Variants in RPH3A observed in about 807,000 individuals in gnomAD.
The protein encoded by RPH3A is rabphilin-3A.
A neutral mutation model predicts 102.2 loss-of-function variants in RPH3A; 48 were observed. The observed-to-expected ratio is 0.47, with a 90% CI of 0.37 to 0.60. RPH3A has a LOEUF of 0.60. Ranked by LOEUF, RPH3A falls within the 20% of genes least tolerant of loss-of-function variation. RPH3A has a pLI of 0.00. For missense variants in RPH3A, 781 were observed against 910.1 expected (o/e 0.86, Z 1.83); for synonymous variants, 310 against 324.3 (o/e 0.96, Z 0.47).
Position 112,895,821 on chromosome 12 carries a change from A to G in RPH3A, c.1902A>G (p.Ser634=), listed in dbSNP as rs1319802132. 1.2e-6 allele frequency: 2 copies of G among 1,613,990 alleles called. No homozygotes were observed. The highest frequency in any genetic ancestry group is 2.2e-5 in the East Asian group (1 of 44,894). ...AACACAGTGACCTGGCAAAGAAGTCACTGGACATTTCAGTCTGGGACTATG... is the reference window on the plus strand; with the variant it reads ...AACACAGTGACCTGGCAAAGAAGTCGCTGGACATTTCAGTCTGGGACTATG... ...DIKHSDLAKK[S]LDISVWDYDI... The change falls in exon 21 of 22, where the codon TCA becomes TCG. Residue 634 remains serine (S), a synonymous_variant. Transcript: ENST00000389385.
chr12:112,622,935 A>G (rs2039742916), intron 1 of RPH3A, among the ~76,000 whole-genome samples: 1 of 124,260 alleles, frequency 8.0e-6, no homozygotes, highest in Non-Finnish European at 1.7e-5. Context: ...TTTTCAACCC[A>G]GAATTTCATA....
intron 5 of RPH3A, 44 bp from the exon 6 acceptor site, chr12:112,865,370 C>A (rs573393658): frequency 1.2e-6 from 2 of 1,604,290 alleles, no homozygotes; most frequent in South Asian, 1.1e-5. Flanking sequence ...TGCTGGTGGT[C>A]CCCAGTCCTA....
intron 1 of RPH3A, among the ~76,000 whole-genome samples, chr12:112,690,691 C>T (rs576471635): frequency 6.6e-6 from 1 of 152,128 alleles, no homozygotes; most frequent in African/African-American, 2.4e-5. Context: ...TTGGACCCAA[C>T]GAGATCAGGG....
At chr12:112,865,356 G>T (rs2042591804) in intron 5 of RPH3A, 58 bp from the exon 6 acceptor site, 4 of 1,590,936 alleles carry the variant, frequency 2.5e-6, no homozygotes, top group Admixed American at 3.4e-5. Flanking sequence ...GACACTGTGG[G>T]GTATGCTGGT....
chr12:112,841,885 T>C, intron 4 of RPH3A: 2 of 455,512 alleles, frequency 4.4e-6, no homozygotes, highest in Admixed American at 4.7e-5. Flanking sequence ...AGTTGGTCTC[T>C]CTCTCCTTCT....
At chr12:112,597,428 C>CA (rs1462588435) in intron 1 of RPH3A, among the ~76,000 whole-genome samples, 3 of 151,732 alleles carry the variant, frequency 2.0e-5, no homozygotes, top group African/African-American at 7.3e-5. Flanking sequence ...ACTAAAAATG[C>CA]AAAAAAATTA....
At chr12:112,629,102 C>G (rs571757912) in intron 1 of RPH3A, among the ~76,000 whole-genome samples, 26 of 152,148 alleles carry the variant, frequency 1.7e-4, no homozygotes, top group African/African-American at 6.0e-4. Context: ...ATCTAGCAAA[C>G]CAGAAATAAT....
chr12:112,813,063 G>A (rs1428020700), intron 2 of RPH3A, among the ~76,000 whole-genome samples: 1 of 152,202 alleles, frequency 6.6e-6, no homozygotes, highest in African/African-American at 2.4e-5. Context: ...GATAGGTGCT[G>A]TTATCATCCT....
chr12:112,580,111 T>A (rs1324143949), intron 1 of RPH3A, among the ~76,000 whole-genome samples: 2 of 152,134 alleles, frequency 1.3e-5, no homozygotes, highest in Non-Finnish European at 2.9e-5. Context: ...TCTCTGTCTT[T>A]CTCTCTCTGT....
rs1277467744 is a variant in RPH3A, at chr12:112,798,868, CT to C, written c.-19+6606del. On this transcript the variant is annotated intron_variant, in intron 2 of 21. Coordinates refer to ENST00000389385, the MANE Select transcript of RPH3A (RefSeq NM_001143854.2). ...CTCTCCCTTTCTCTCTCCTCTGCCC[CT>C]GGCCTCTCTTCCTTTCCTTTTCTCT... Among the ~76,000 whole-genome samples, 5 of 152,264 alleles carry C rather than the reference CT, an allele frequency of 3.3e-5. No individual in the cohort carries two copies. The South Asian group carries it at 8.3e-4, about 25-fold the overall frequency.
chr12:112,608,886 T>C (rs1279477245), intron 1 of RPH3A, among the ~76,000 whole-genome samples: 2 of 152,234 alleles, frequency 1.3e-5, no homozygotes, highest in Non-Finnish European at 2.9e-5. Flanking sequence ...CATCAGTAAG[T>C]CCTAATCATT....
In RPH3A at chr12:112,659,227, C is replaced by T. The variant is rs75224015; in HGVS notation, c.-140+83908C>T. ...CCAAGAAATGAACGTGAATGCATCACGACCATCTAGCCCACAGGAAAGTCC... is the reference window on the plus strand; with the variant it reads ...CCAAGAAATGAACGTGAATGCATCATGACCATCTAGCCCACAGGAAAGTCC... On this transcript the variant is annotated intron_variant, in intron 1 of 21. Transcript: ENST00000543106. Among the ~76,000 whole-genome samples the T allele has an allele frequency of 1.3e-3, 197 of 152,298 alleles. 1 individual carries two copies. In the East Asian group the frequency reaches 0.036, roughly 27 times the overall value.
At chr12:112,627,907 C>A (rs2039777529) in intron 1 of RPH3A, among the ~76,000 whole-genome samples, 1 of 146,414 alleles carries the variant, frequency 6.8e-6, no homozygotes, top group Admixed American at 7.4e-5. Context: ...GCTGGGGAAG[C>A]CTCAGGAAAC....
At chr12:112,715,428 C>T (rs889070112) in intron 1 of RPH3A, among the ~76,000 whole-genome samples, 1 of 152,144 alleles carries the variant, frequency 6.6e-6, no homozygotes, top group Non-Finnish European at 1.5e-5. Flanking sequence ...TTCCTCTACC[C>T]CTCTCCACTC....
At chr12:112,666,780 A>G (rs2040085991) in intron 1 of RPH3A, among the ~76,000 whole-genome samples, 1 of 152,184 alleles carries the variant, frequency 6.6e-6, no homozygotes, top group African/African-American at 2.4e-5. Flanking sequence ...TTTGCTCCAA[A>G]GCAAAAGTCC....
chr12:112,739,684 C>T (rs2040694636), intron 1 of RPH3A, among the ~76,000 whole-genome samples: 1 of 152,202 alleles, frequency 6.6e-6, no homozygotes, highest in Non-Finnish European at 1.5e-5. Flanking sequence ...CCTTATTTAT[C>T]TGTCCTCTGT....
rs146397976 is a variant in RPH3A, at chr12:112,822,217, T to C, written c.-18-6084T>C. 1.2e-3 allele frequency among the ~76,000 whole-genome samples: 188 copies of C among 152,348 alleles called. 3 individuals are homozygous for C. Among genetic ancestry groups the C allele is most frequent in the Middle Eastern group, 6.8e-3 (2 of 294 alleles). The stretch of plus-strand genomic sequence containing the variant: ...ACTGTCTGGGCATTGTCCAAACTTG[T>C]GGCTGCAGGTTCTGCTGCAAAGCGT... On this transcript the variant is annotated intron_variant, in intron 2 of 21. Coordinates refer to ENST00000389385, the MANE Select transcript of RPH3A (RefSeq NM_001143854.2).
chr12:112,793,554 G>T (rs1341263087), intron 2 of RPH3A, among the ~76,000 whole-genome samples: 1 of 152,210 alleles, frequency 6.6e-6, no homozygotes, highest in Non-Finnish European at 1.5e-5. Context: ...AGAAGAGGAG[G>T]GTTGTCTGGT....
At chr12:112,829,432 G>A (rs912932020) in intron 3 of RPH3A, among the ~76,000 whole-genome samples, 5 of 151,856 alleles carry the variant, frequency 3.3e-5, no homozygotes, top group African/African-American at 9.7e-5. Context: ...CACCACGCCT[G>A]GCTAACTTTA....
Sources: gnomAD v4.1 joint callset for allele counts (sites outside exome capture counted in the v4.1 genomes callset) on GRCh38, gnomAD v4.1.1 for gene constraint, MANE v1.5 for transcripts, NCBI Gene and HGNC (gene_info 2026-07-23, HGNC 2026-07-21) for gene names.